ADGRL3: variants seen among roughly 807,000 people sequenced by gnomAD.
ADGRL3 encodes adhesion G protein-coupled receptor L3, also known as calcium-independent alpha-latrotoxin receptor 3.
ADGRL3 carries 62 observed loss-of-function variants against 153.5 expected under a neutral mutation model. The observed-to-expected ratio is 0.40, with a 90% CI of 0.33 to 0.50. ADGRL3 has a LOEUF of 0.50. ADGRL3 is among the 20% of genes least tolerant of loss of function. ADGRL3 has a pLI of 0.47. For synonymous variants in ADGRL3, 710 were observed against 672.5 expected (o/e 1.06, Z -0.86); for missense variants, 1,641 against 1,859.4 (o/e 0.88, Z 2.16).
chr4:61,521,990 C>T (rs1211155907), intron 4 of ADGRL3, among the ~76,000 whole-genome samples: 1 of 152,042 alleles, frequency 6.6e-6, no homozygotes, highest in Non-Finnish European at 1.5e-5. Context: ...TGTTAGGCAT[C>T]TTCTTTTGGC....
intron 17 of ADGRL3, among the ~76,000 whole-genome samples, chr4:61,953,261 A>G (rs1253301014): frequency 6.6e-6 from 1 of 152,146 alleles, no homozygotes; most frequent in African/African-American, 2.4e-5. Context: ...AAGGAAACAA[A>G]ATTATATTGG....
In ADGRL3 at chr4:61,979,589, T is replaced by C. The variant is rs2099060432; in HGVS notation, c.2832T>C (p.Leu944=). Reference sequence around the variant, plus strand: ...ACAGTGATGCGGTCCATGACCTCCTTCTGGATGTGATCACGTGGGTTGGAA... The same window carrying C: ...ACAGTGATGCGGTCCATGACCTCCTCCTGGATGTGATCACGTGGGTTGGAA... ...VKHSDAVHDL[L]LDVITWVGIL... The change falls in exon 18 of 27, where the codon CTT becomes CTC. Residue 944 remains leucine (L), a synonymous_variant. Coordinates refer to ENST00000683033, the MANE Select transcript of ADGRL3 (RefSeq NM_001387552.1). The C allele has an allele frequency of 6.2e-7, 1 of 1,613,944 alleles. No homozygotes were observed. The highest frequency in any genetic ancestry group is 8.5e-7 in the Non-Finnish European group (1 of 1,179,872).
chr4:61,775,138 TCTG>T (rs1434268870), intron 8 of ADGRL3, among the ~76,000 whole-genome samples: 3 of 152,154 alleles, frequency 2.0e-5, no homozygotes, highest in Non-Finnish European at 4.4e-5. Flanking sequence ...GGCAGCATAT[TCTG>T]CTACTTTTCA....
At chr4:61,251,663 G>A (rs1193836120) in intron 1 of ADGRL3, among the ~76,000 whole-genome samples, 3 of 152,098 alleles carry the variant, frequency 2.0e-5, no homozygotes, top group African/African-American at 7.2e-5. Context: ...ACTATAATGT[G>A]TCAACTACTA....
At chr4:61,605,134 A>G (rs1341515908) in intron 5 of ADGRL3, among the ~76,000 whole-genome samples, 5 of 150,992 alleles carry the variant, frequency 3.3e-5, no homozygotes, top group South Asian at 4.2e-4. Flanking sequence ...AAAAAAAACT[A>G]AAAAGTATAT....
At chr4:61,230,487 A>C (rs773353747) in intron 1 of ADGRL3, among the ~76,000 whole-genome samples, 1 of 152,208 alleles carries the variant, frequency 6.6e-6, no homozygotes. Context: ...ATTTATTTAA[A>C]TCTTTCATCC....
At chr4:61,798,999 G>C (rs1480561493) in intron 8 of ADGRL3, among the ~76,000 whole-genome samples, 1 of 80,748 alleles carries the variant, frequency 1.2e-5, no homozygotes, top group African/African-American at 4.6e-5. Flanking sequence ...TATATAAACA[G>C]TATATATATA....
intron 9 of ADGRL3, among the ~76,000 whole-genome samples, chr4:61,850,080 G>GT (rs1281242766): frequency 2.0e-5 from 3 of 152,012 alleles, no homozygotes; most frequent in African/African-American, 7.2e-5. Context: ...AATATATGTG[G>GT]TTCCCTAATA....
At chr4:62,043,173 T>A (rs1729313642) in intron 24 of ADGRL3, among the ~76,000 whole-genome samples, 1 of 152,104 alleles carries the variant, frequency 6.6e-6, no homozygotes. Context: ...TGTGGGCATA[T>A]TGTACTTTTG....
intron 25 of ADGRL3, among the ~76,000 whole-genome samples, chr4:62,053,864 A>G (rs1735575805): frequency 6.6e-6 from 1 of 151,548 alleles, no homozygotes; most frequent in African/African-American, 2.4e-5. Flanking sequence ...AAATACACCA[A>G]TACTGGGCAG....
At chr4:61,420,017 G>C (rs1397499820) in intron 2 of ADGRL3, among the ~76,000 whole-genome samples, 1 of 151,808 alleles carries the variant, frequency 6.6e-6, no homozygotes, top group Non-Finnish European at 1.5e-5. Flanking sequence ...GGCCAGGCTG[G>C]TCTCAAACTC....
intron 13 of ADGRL3, among the ~76,000 whole-genome samples, chr4:61,925,420 G>T (rs779440407): frequency 6.6e-6 from 1 of 152,056 alleles, no homozygotes; most frequent in East Asian, 1.9e-4. Context: ...TTTATGATGC[G>T]TGCATTGTAT....
At chr4:61,408,313 T>C (rs1012053870) in intron 2 of ADGRL3, among the ~76,000 whole-genome samples, 6 of 152,098 alleles carry the variant, frequency 3.9e-5, no homozygotes, top group Non-Finnish European at 8.8e-5. Context: ...GCTTGGTTCT[T>C]ACCTCTCTTG....
rs115999353 is a variant in ADGRL3 at position 61,394,276 on chromosome 4, A to G, written c.-174+11087A>G. Among the ~76,000 whole-genome samples, 119 of 152,160 alleles carry G rather than the reference A, an allele frequency of 7.8e-4. 2 individuals carry two copies. The highest frequency in any genetic ancestry group is 2.8e-3 in the African/African-American group (117 of 41,564). ...TTATTATGTGTTTAGTAGGGACCTA[A>G]GTATACATATCATATTGTTCTCTTA... On this transcript the variant is annotated intron_variant, in intron 2 of 26. Transcript: ENST00000683033.
chr4:61,462,276 C>A (rs2097829743), intron 2 of ADGRL3, among the ~76,000 whole-genome samples: 1 of 152,168 alleles, frequency 6.6e-6, no homozygotes, highest in South Asian at 2.1e-4. Context: ...TGCATGAAAT[C>A]TACATTAAGA....
At chr4:61,380,727 C>T (rs2096657486) in intron 1 of ADGRL3, among the ~76,000 whole-genome samples, 1 of 151,882 alleles carries the variant, frequency 6.6e-6, no homozygotes. Flanking sequence ...CATATATTTG[C>T]CGGCATTTAT....
intron 8 of ADGRL3, among the ~76,000 whole-genome samples, chr4:61,786,776 A>G (rs1039471603): frequency 6.6e-6 from 1 of 152,222 alleles, no homozygotes; most frequent in Non-Finnish European, 1.5e-5. Flanking sequence ...CCATTTGCCC[A>G]TTATGCTTTC....
At chr4:61,786,680 A>G (rs1458999360) in intron 8 of ADGRL3, among the ~76,000 whole-genome samples, 1 of 152,182 alleles carries the variant, frequency 6.6e-6, no homozygotes, top group Non-Finnish European at 1.5e-5. Context: ...CAATGTGTTA[A>G]AAAATTGTAG....
chr4:61,680,036 AGT>A (rs1473648391), intron 6 of ADGRL3, among the ~76,000 whole-genome samples: 1 of 152,032 alleles, frequency 6.6e-6, no homozygotes, highest in Non-Finnish European at 1.5e-5. Flanking sequence ...ACCTTTATGA[AGT>A]AACTAGTTTG....
Sources: allele counts gnomAD v4.1 joint callset (sites outside exome capture counted in the v4.1 genomes callset), GRCh38; gene constraint gnomAD v4.1.1; transcripts MANE v1.5; gene names NCBI Gene and HGNC (gene_info 2026-07-23, HGNC 2026-07-21).